Variants in TMEM117 observed in about 807,000 individuals in gnomAD.
TMEM117 encodes the protein transmembrane protein 117.
In TMEM117, 27 loss-of-function variants were observed where a neutral mutation model predicts 52.4. The observed-to-expected ratio is 0.51, with a 90% CI of 0.38 to 0.71. TMEM117 has a LOEUF of 0.71. Among genes scored for constraint, TMEM117 ranks in the 30% least tolerant of loss-of-function variants. TMEM117 has a pLI of 0.00. For synonymous variants in TMEM117, 215 were observed against 206.3 expected (o/e 1.04, Z -0.36); for missense variants, 556 against 630.5 (o/e 0.88, Z 1.26).
intron 5 of TMEM117, among the ~76,000 whole-genome samples, chr12:44,211,689 A>G (rs759553671): frequency 1.3e-5 from 2 of 152,234 alleles, no homozygotes; most frequent in African/African-American, 2.4e-5. Flanking sequence ...AATCTGATAG[A>G]TGAAACTGTC....
intron 3 of TMEM117, among the ~76,000 whole-genome samples, chr12:43,994,436 A>G (rs1051545645): frequency 6.6e-6 from 1 of 152,210 alleles, no homozygotes; most frequent in African/African-American, 2.4e-5. Flanking sequence ...TTTTAAGCCT[A>G]GCATTTGATG....
At chr12:44,034,342 C>A (rs1946679219) in intron 3 of TMEM117, among the ~76,000 whole-genome samples, 1 of 152,172 alleles carries the variant, frequency 6.6e-6, no homozygotes, top group Non-Finnish European at 1.5e-5. Context: ...GGGGCTCTAT[C>A]CTCGGGTTCT....
intron 2 of TMEM117, among the ~76,000 whole-genome samples, chr12:43,871,582 A>C (rs1398169514): frequency 1.3e-5 from 2 of 152,298 alleles, no homozygotes; most frequent in East Asian, 3.9e-4. Flanking sequence ...TCAACTCTGA[A>C]TAAAATATCT....
the TMEM117 span, among the ~76,000 whole-genome samples, chr12:43,828,533 G>A: frequency 6.6e-5 from 10 of 152,306 alleles, no homozygotes; most frequent in South Asian, 8.3e-4. Flanking sequence ...GGGAGAGGAT[G>A]GCTCTTACTG....
intron 3 of TMEM117, among the ~76,000 whole-genome samples, chr12:44,045,541 C>G (rs141168342): frequency 6.6e-6 from 1 of 152,152 alleles, no homozygotes; most frequent in Non-Finnish European, 1.5e-5. Context: ...ACTCACTTTA[C>G]GGCTAAAGAA....
intron 2 of TMEM117, among the ~76,000 whole-genome samples, chr12:43,928,637 A>G (rs1441154601): frequency 6.6e-6 from 1 of 151,860 alleles, no homozygotes; most frequent in East Asian, 1.9e-4. Context: ...GTACATGTGC[A>G]CAATGCGCAG....
intron 5 of TMEM117, among the ~76,000 whole-genome samples, chr12:44,250,485 T>G (rs1436477195): frequency 1.3e-5 from 2 of 152,208 alleles, no homozygotes; most frequent in African/African-American, 4.8e-5. Context: ...ATCCCATTAC[T>G]GGGTATATAC....
intron 3 of TMEM117, chr12:44,009,950 C>A: frequency 3.4e-6 from 1 of 291,442 alleles, no homozygotes; most frequent in Non-Finnish European, 7.0e-6. Flanking sequence ...GGCTGATAGC[C>A]TCTGGCGTTC....
At chr12:43,870,714 G>A (rs1354422744) in intron 2 of TMEM117, among the ~76,000 whole-genome samples, 1 of 152,124 alleles carries the variant, frequency 6.6e-6, no homozygotes, top group Non-Finnish European at 1.5e-5. Flanking sequence ...CACAATGGTT[G>A]AACTGACTTG....
intron 3 of TMEM117, among the ~76,000 whole-genome samples, chr12:43,982,912 T>C (rs537423695): frequency 6.6e-6 from 1 of 152,328 alleles, no homozygotes; most frequent in East Asian, 1.9e-4. Context: ...GCCAATGATA[T>C]CCTTAATCTA....
At chr12:43,982,720 G>C (rs991863775) in intron 3 of TMEM117, among the ~76,000 whole-genome samples, 2 of 152,122 alleles carry the variant, frequency 1.3e-5, no homozygotes, top group Non-Finnish European at 2.9e-5. Flanking sequence ...TCTCTCCTGG[G>C]AGATAAACTG....
chr12:43,971,081 G>A (rs943739199), intron 3 of TMEM117, among the ~76,000 whole-genome samples: 28 of 152,184 alleles, frequency 1.8e-4, no homozygotes, highest in African/African-American at 5.8e-4. Context: ...CCAGACTTAC[G>A]TGTGTTGTTC....
At chr12:44,023,366 T>A (rs1304080383) in intron 3 of TMEM117, among the ~76,000 whole-genome samples, 2 of 152,148 alleles carry the variant, frequency 1.3e-5, no homozygotes, top group Non-Finnish European at 2.9e-5. Context: ...GGTCAAATGG[T>A]ATTTCTAGTT....
chr12:44,087,381 T>G (rs1246998388), intron 3 of TMEM117, among the ~76,000 whole-genome samples: 1 of 152,188 alleles, frequency 6.6e-6, no homozygotes, highest in Non-Finnish European at 1.5e-5. Flanking sequence ...AGTAAGCACC[T>G]TAGTTGATAT....
At chr12:44,223,991 CTG>C (rs1949825633) in intron 5 of TMEM117, among the ~76,000 whole-genome samples, 1 of 152,158 alleles carries the variant, frequency 6.6e-6, no homozygotes, top group South Asian at 2.1e-4. Flanking sequence ...TTTATTAACT[CTG>C]TGTGGGCTTT....
At chr12:43,832,145 A>C (rs1323058132), upstream of TMEM117, among the ~76,000 whole-genome samples, 1 of 152,220 alleles carries the variant, frequency 6.6e-6, no homozygotes, top group Non-Finnish European at 1.5e-5. Context: ...TGGAACTTCT[A>C]TCTGTACCCT....
rs1268846848 is a variant in TMEM117, at chr12:43,896,054, A to G, written c.278-48156A>G. Among the ~76,000 whole-genome samples the G allele has an allele frequency of 5.3e-5, 8 of 152,294 alleles. No homozygotes were observed. In the East Asian group the frequency reaches 1.4e-3, roughly 26 times the overall value. ...TGCCTTTCCCAGTCCTCTGACTCAA[A>G]TGTCAGTCTCCTTTGGCAGCACCCT... On this transcript the variant is annotated intron_variant, in intron 2 of 7. Transcript: ENST00000266534.
At chr12:44,159,617 G>A (rs1019500349) in intron 4 of TMEM117, among the ~76,000 whole-genome samples, 1 of 152,040 alleles carries the variant, frequency 6.6e-6, no homozygotes, top group Non-Finnish European at 1.5e-5. Context: ...TGATAATAAT[G>A]TGCAGCCAGA....
chr12:44,379,454 T>A (rs1156264860), intron 7 of TMEM117, among the ~76,000 whole-genome samples: 1 of 152,206 alleles, frequency 6.6e-6, no homozygotes, highest in African/African-American at 2.4e-5. Context: ...TTTGTTCACA[T>A]GCATCCACAT....
Sources: gnomAD v4.1 joint callset for allele counts (sites outside exome capture counted in the v4.1 genomes callset) on GRCh38, gnomAD v4.1.1 for gene constraint, MANE v1.5 for transcripts, NCBI Gene and HGNC (gene_info 2026-07-23, HGNC 2026-07-21) for gene names.